Variants in PTPRC observed in about 807,000 individuals in gnomAD.
PTPRC encodes the protein protein tyrosine phosphatase receptor type C, also known as receptor-type tyrosine-protein phosphatase C.
In PTPRC, 44 loss-of-function variants were observed where a neutral mutation model predicts 155.9. The observed-to-expected ratio is 0.28, with a 90% CI of 0.22 to 0.36. The LOEUF (loss-of-function observed/expected upper bound fraction) is 0.36. Ranked by LOEUF, PTPRC falls within the 10% of genes least tolerant of loss-of-function variation. The probability of loss-of-function intolerance (pLI) is 1.00; values close to 1 mark genes in which losing one functional copy is unlikely to be tolerated. For synonymous variants in PTPRC, 525 were observed against 533.1 expected (o/e 0.98, Z 0.21); for missense variants, 1,401 against 1,564.6 (o/e 0.90, Z 1.76).
At chr1:198,745,769 GTT>G (rs1655110757) in intron 26 of PTPRC, among the ~76,000 whole-genome samples, 1 of 151,716 alleles carries the variant, frequency 6.6e-6, no homozygotes. Flanking sequence ...AGGCAAACGA[GTT>G]GAGGGTGTTT....
Position 198,702,541 on chromosome 1 carries a change from G to A in PTPRC, c.583+11G>A. On this transcript the variant is annotated intron_variant, in intron 6 of 32. Coordinates refer to ENST00000442510, the MANE Select transcript of PTPRC (RefSeq NM_002838.5). ...CAGCGAACACCTCAGGTCTGACTAT[G>A]CTGCTCTAGTAGTGTCTTCAGTTAT... 3 of 1,614,088 alleles carry A rather than the reference G, an allele frequency of 1.9e-6. 1 individual carries two copies. Among genetic ancestry groups the A allele is most frequent in the South Asian group, 2.2e-5 (2 of 91,066 alleles).
At chr1:198,704,634 C>G (rs1307388991) in intron 8 of PTPRC, 136 bp downstream of exon 8, 1 of 1,507,812 alleles carries the variant, frequency 6.6e-7, no homozygotes, top group Non-Finnish European at 9.1e-7. Flanking sequence ...TGACTAGTCT[C>G]AAATTAGTAA....
At chr1:198,681,175 TCC>T (rs781229172) in intron 2 of PTPRC, among the ~76,000 whole-genome samples, 390 of 152,256 alleles carry the variant, frequency 2.6e-3, no homozygotes, top group Admixed American at 4.4e-3. Context: ...GATCTCATGA[TCC>T]TTTTCAGGAT....
intron 7 of PTPRC, 45 bp from the exon 8 acceptor site, chr1:198,704,427 C>T: frequency 6.2e-7 from 1 of 1,612,952 alleles, no homozygotes; most frequent in Non-Finnish European, 8.5e-7. Flanking sequence ...GGCAGATATT[C>T]TAAAGCAAAA....
At chr1:198,648,363 C>T (rs1663047816) in intron 2 of PTPRC, among the ~76,000 whole-genome samples, 1 of 151,602 alleles carries the variant, frequency 6.6e-6, no homozygotes, top group African/African-American at 2.4e-5. Flanking sequence ...CAGCTAATAG[C>T]AAATGAGAGT....
At chr1:198,679,954 G>T in intron 2 of PTPRC, 1 of 626,150 alleles carries the variant, frequency 1.6e-6, no homozygotes, top group South Asian at 1.8e-5. Flanking sequence ...CGTCGCCCTG[G>T]CGTAGGCGAC....
Position 198,709,840 on chromosome 1 carries a change from G to A in PTPRC, c.1171+16G>A. ...GATTTTGGGAGTGAGTATGTTACTT[G>A]CATTTATATGTAAAATTGCTTCTCT... is the stretch of plus-strand genomic sequence containing the variant. On this transcript the variant is annotated intron_variant, in intron 11 of 32. Transcript: ENST00000442510. The A allele has an allele frequency of 6.2e-7, 1 of 1,607,858 alleles. No homozygotes were observed. Among genetic ancestry groups the A allele is most frequent in the Non-Finnish European group, 8.5e-7 (1 of 1,176,700 alleles).
At chr1:198,711,106 G>T (rs1283703620) in intron 11 of PTPRC, among the ~76,000 whole-genome samples, 1 of 152,166 alleles carries the variant, frequency 6.6e-6, no homozygotes, top group Non-Finnish European at 1.5e-5. Context: ...TTACAGGCAT[G>T]AGCCACCATG....
chr1:198,709,542 AG>A (rs1469214526), intron 10 of PTPRC, 144 bp from the exon 11 acceptor site: 30 of 723,434 alleles, frequency 4.1e-5, no homozygotes, highest in Non-Finnish European at 5.7e-5. Flanking sequence ...AATTATTTTT[AG>A]GGTTTTTTAT....
chr1:198,749,226 T>C (rs981009958), intron 27 of PTPRC, among the ~76,000 whole-genome samples, 190 bp from the exon 28 acceptor site: 1 of 151,772 alleles, frequency 6.6e-6, no homozygotes, highest in Non-Finnish European at 1.5e-5. Flanking sequence ...GAATCCTTTT[T>C]CTTAGACTTT....
chr1:198,744,166 C>T lies in PTPRC; in HGVS notation c.2810C>T (p.Pro937Leu). The T allele has an allele frequency of 6.2e-7, 1 of 1,606,956 alleles. No individual in the cohort carries two copies. The highest frequency in any genetic ancestry group is 8.5e-7 in the Non-Finnish European group (1 of 1,174,524). ...PYLHNMKKRD[P>L]PSEPSPLEAE... The stretch of plus-strand genomic sequence containing the variant: ...CTACATAACATGAAGAAAAGGGATC[C>T]ACCCAGTGAGCCGTCTCCACTAGAG... Residue 937 changes from proline (P) to leucine (L), a missense_variant, in exon 26 of 33, where the codon CCA (proline) becomes CTA (leucine). Coordinates refer to ENST00000442510, the MANE Select transcript of PTPRC (RefSeq NM_002838.5).
chr1:198,643,085 C>T (rs1315343371), intron 2 of PTPRC, among the ~76,000 whole-genome samples: 2 of 151,726 alleles, frequency 1.3e-5, no homozygotes, highest in South Asian at 4.2e-4. Context: ...CCTACTTCTT[C>T]TATTATGTTC....
intron 26 of PTPRC, among the ~76,000 whole-genome samples, chr1:198,744,463 A>G (rs1655049945): frequency 6.6e-6 from 1 of 151,880 alleles, no homozygotes; most frequent in Non-Finnish European, 1.5e-5. Flanking sequence ...TTAAGCTGGT[A>G]TAAAATGAAG....
At position 198,756,293 on chromosome 1, in the gene PTPRC, A is replaced by G. The variant is rs535631274; in HGVS notation, c.*112A>G. 119 of 1,357,164 alleles carry G rather than the reference A, an allele frequency of 8.8e-5. No homozygotes were observed. The African/African-American group carries it at 1.4e-3, about 16-fold the overall frequency. 84.1% of individuals were successfully genotyped at this position (1,357,164 alleles called of 1,614,324 possible). A position where few individuals can be genotyped will look rare whatever the true frequency, so the allele number is the denominator to read the frequency against. On this transcript the variant is annotated 3_prime_UTR_variant, in exon 33 of 33. Coordinates refer to ENST00000442510, the MANE Select transcript of PTPRC (RefSeq NM_002838.5). ...GTGGATTAATTAAATGCAGCGAACC[A>G]ATATTTGTAGAAGGGTTATATTTTA... is the stretch of plus-strand genomic sequence containing the variant.
At chr1:198,746,026 G>T (rs2102527779) in intron 26 of PTPRC, among the ~76,000 whole-genome samples, 1 of 151,934 alleles carries the variant, frequency 6.6e-6, no homozygotes. Context: ...TGATGAAAGT[G>T]GATGACTGGG....
intron 15 of PTPRC, among the ~76,000 whole-genome samples, chr1:198,726,854 T>G (rs1435958371): frequency 2.0e-5 from 3 of 151,246 alleles, no homozygotes; most frequent in Non-Finnish European, 4.4e-5. Flanking sequence ...CTTTTTTCTT[T>G]TCTTTTCTTT....
intron 3 of PTPRC, among the ~76,000 whole-genome samples, chr1:198,696,252 C>T (rs187277716): frequency 5.4e-5 from 8 of 149,168 alleles, no homozygotes; most frequent in African/African-American, 1.5e-4. Context: ...TTTTTTTTCC[C>T]CTGGAACCCT....
intron 23 of PTPRC, among the ~76,000 whole-genome samples, chr1:198,741,460 C>A (rs909575095): frequency 1.3e-5 from 2 of 151,782 alleles, no homozygotes; most frequent in African/African-American, 4.8e-5. Context: ...GTGAGAATGA[C>A]CTTTACCAAA....
rs192643885 is a variant in PTPRC at position 198,749,868 on chromosome 1, C to G, written c.3072+319C>G. The stretch of plus-strand genomic sequence containing the variant: ...GTATTTGAAAATGTTTATACATACT[C>G]AGATACCCAAATTGTAGGCAATGAC... On this transcript the variant is annotated intron_variant, in intron 28 of 32. Coordinates refer to ENST00000442510, the MANE Select transcript of PTPRC (RefSeq NM_002838.5). Among the ~76,000 whole-genome samples, 218 of 151,776 alleles carry G rather than the reference C, an allele frequency of 1.4e-3. 1 individual carries two copies. The highest frequency in any genetic ancestry group is 2.5e-3 in the Non-Finnish European group (169 of 67,820).
Sources: allele counts gnomAD v4.1 joint callset (sites outside exome capture counted in the v4.1 genomes callset), GRCh38; gene constraint gnomAD v4.1.1; transcripts MANE v1.5; gene names NCBI Gene and HGNC (gene_info 2026-07-23, HGNC 2026-07-21).